The following CTH variants were observed in gnomAD, a reference collection of about 807,000 sequenced individuals.
CTH encodes cystathionine gamma-lyase, also known as cystathionase (cystathionine gamma-lyase).
A neutral mutation model predicts 50.6 loss-of-function variants in CTH; 41 were observed. That is an observed-to-expected ratio of 0.81 (90% CI 0.63 to 1.05). The LOEUF is 1.05. Ranked by LOEUF, CTH falls within the 50% of genes least tolerant of loss-of-function variation. The probability of loss-of-function intolerance (pLI) is 0.00; values close to 1 mark genes in which losing one functional copy is unlikely to be tolerated. For synonymous variants in CTH, 156 were observed against 168.9 expected (o/e 0.92, Z 0.59); for missense variants, 470 against 492.6 (o/e 0.95, Z 0.43).
chr1:70,424,114 T>C (rs1684290071), intron 4 of CTH, among the ~76,000 whole-genome samples, 171 bp from the exon 5 acceptor site: 2 of 152,238 alleles, frequency 1.3e-5, no homozygotes. Context: ...ATTACATACC[T>C]ACGGCTTCAG....
At chr1:70,434,041 T>C (rs867130777) in intron 9 of CTH, 92 bp downstream of exon 9, 7 of 1,578,676 alleles carry the variant, frequency 4.4e-6, no homozygotes, top group Middle Eastern at 1.8e-4. Context: ...ATAATGTTTT[T>C]GTATCTGCAG....
chr1:70,422,646 CTG>C (rs989382581), intron 4 of CTH, among the ~76,000 whole-genome samples: 3 of 149,372 alleles, frequency 2.0e-5, no homozygotes, highest in Admixed American at 1.3e-4. Context: ...GAGTCTCACC[CTG>C]TCACCCAGGC....
intron 10 of CTH, among the ~76,000 whole-genome samples, chr1:70,435,636 T>A (rs1366373284): frequency 1.3e-5 from 2 of 151,862 alleles, no homozygotes; most frequent in African/African-American, 4.8e-5. Flanking sequence ...AATCTTTTGT[T>A]TTCTGTTCTC....
In CTH at chr1:70,427,371, T is replaced by A. The variant is rs552062993; in HGVS notation, c.589-2423T>A. ...ACCTGTATGATGAGAGCCATAAAGG[T>A]ACTGATTTTATTGAGTTAGGTATTT... On this transcript the variant is annotated intron_variant, in intron 5 of 11. Coordinates refer to ENST00000370938, the MANE Select transcript of CTH (RefSeq NM_001902.6). Among the ~76,000 whole-genome samples, 3 of 152,272 alleles carry A rather than the reference T, an allele frequency of 2.0e-5. No homozygotes were observed. In the South Asian group the frequency reaches 6.2e-4, roughly 32 times the overall value.
intron 1 of CTH, among the ~76,000 whole-genome samples, chr1:70,414,024 G>T (rs916035254): frequency 1.3e-5 from 2 of 151,648 alleles, no homozygotes; most frequent in Non-Finnish European, 2.9e-5. Context: ...GAGCCACCGC[G>T]CCCGGCCCTT....
At chr1:70,424,152 A>G in intron 4 of CTH, 133 bp from the exon 5 acceptor site, 1 of 1,530,948 alleles carries the variant, frequency 6.5e-7, no homozygotes, top group Non-Finnish European at 8.9e-7. Flanking sequence ...TGGGATTCAG[A>G]TTTGAACCTC....
At chr1:70,422,449 A>G (rs77475422) in intron 4 of CTH, among the ~76,000 whole-genome samples, 3,694 of 152,296 alleles carry the variant, frequency 0.024, 62 homozygotes, top group Non-Finnish European at 0.037. Context: ...ACCCAAGATT[A>G]TGTTGCAATG....
Position 70,418,040 on chromosome 1 carries a change from A to C in CTH, c.346+8A>C. 6.2e-7 allele frequency: 1 copy of C among 1,613,700 alleles called. No individual in the cohort carries two copies. The highest frequency in any genetic ancestry group is 8.5e-7 in the Non-Finnish European group (1 of 1,179,700). ...TGGATGATGTGTATGGAGGTAGGTGACCCCTCTCATTTATATTCTGTAAAC... is the reference window on the plus strand; with the variant it reads ...TGGATGATGTGTATGGAGGTAGGTGCCCCCTCTCATTTATATTCTGTAAAC... On this transcript the variant is annotated splice_region_variant and intron_variant, in intron 3 of 11. Transcript: ENST00000370938.
intron 3 of CTH, 105 bp from the exon 4 acceptor site, chr1:70,421,461 G>T: frequency 8.4e-7 from 1 of 1,194,490 alleles, no homozygotes; most frequent in African/African-American, 1.5e-5. Context: ...CATTTTCCTT[G>T]GTGACTGAGA....
chr1:70,416,220 G>A (rs1684088621), intron 2 of CTH, among the ~76,000 whole-genome samples, 183 bp downstream of exon 2: 1 of 152,070 alleles, frequency 6.6e-6, no homozygotes, highest in South Asian at 2.1e-4. Flanking sequence ...TAATCATCAG[G>A]TAAAAATACG....
rs1450625281 is a variant in CTH, at chr1:70,411,486, A to C, written c.71A>C (p.His24Pro). 1.9e-6 allele frequency: 3 copies of C among 1,614,040 alleles called. No individual in the cohort carries two copies. Among genetic ancestry groups the C allele is most frequent in the Non-Finnish European group, 8.5e-7 (1 of 1,179,976 alleles). The change falls in exon 1 of 12, where the codon CAT (histidine) becomes CCT (proline). Residue 24 changes from histidine to proline, a missense_variant. His to Pro is a moderately conservative substitution (Grantham distance 77, BLOSUM62 -2). Transcript: ENST00000370938. ...HFQHFATQAIHVGQDPEQWTS... is the reference protein window; with the variant it reads ...HFQHFATQAIPVGQDPEQWTS... The stretch of plus-strand genomic sequence containing the variant: ...CAACATTTCGCCACGCAGGCGATCC[A>C]TGTGGGCCAGGATCCAGAGCAATGG...
chr1:70,438,888 G>A, intron 11 of CTH, 62 bp downstream of exon 11: 2 of 1,603,544 alleles, frequency 1.2e-6, no homozygotes, highest in Admixed American at 3.4e-5. Context: ...TCTTGGGCAT[G>A]GGGGGTCACT....
chr1:70,426,970 T>C (rs1684359660), intron 5 of CTH, among the ~76,000 whole-genome samples: 2 of 152,192 alleles, frequency 1.3e-5, no homozygotes, highest in African/African-American at 4.8e-5. Context: ...GTCTAGTTTT[T>C]CTACCTTTTT....
intron 3 of CTH, 37 bp from the exon 4 acceptor site, chr1:70,421,529 T>C (rs1448535167): frequency 6.3e-7 from 1 of 1,592,518 alleles, no homozygotes; most frequent in Non-Finnish European, 8.6e-7. Context: ...CTTAATGCAA[T>C]GTTCTTTTCA....
At chr1:70,435,058 A>T (rs1684568447) in intron 9 of CTH, 67 bp from the exon 10 acceptor site, 1 of 1,478,002 alleles carries the variant, frequency 6.8e-7, no homozygotes. Context: ...GCCTAAAAAC[A>T]TTTATTTTTA....
chr1:70,439,072 C>T (rs781141588), intron 11 of CTH, 29 bp from the exon 12 acceptor site: 3 of 1,602,610 alleles, frequency 1.9e-6, no homozygotes, highest in Non-Finnish European at 8.5e-7. Context: ...TGTTTAATAA[C>T]ATATTTTTCT....
intron 9 of CTH, 25 bp downstream of exon 9, chr1:70,433,974 A>G (rs760317356): frequency 1.2e-6 from 2 of 1,612,540 alleles, no homozygotes; most frequent in African/African-American, 1.3e-5. Flanking sequence ...TAGGTTTAAA[A>G]TTGTAGGAGG....
Position 70,411,318 on chromosome 1 carries a change from C to T in CTH, c.-98C>T. 3.1e-6 allele frequency: 4 copies of T among 1,280,266 alleles called. No individual in the cohort carries two copies. Among genetic ancestry groups the T allele is most frequent in the Non-Finnish European group, 4.6e-6 (4 of 876,132 alleles). 79.3% of individuals were successfully genotyped at this position (1,280,266 alleles called of 1,614,324 possible). A position where few individuals can be genotyped will look rare whatever the true frequency, so the allele number is the denominator to read the frequency against. ...CTCTACCTGCGTGCTTTAGCTCCTT[C>T]TCGCCTGATCCTTCTGTCTCTCCCA... On this transcript the variant is annotated 5_prime_UTR_variant, in exon 1 of 12. Transcript: ENST00000370938.
rs1262495795 is a variant in CTH, at chr1:70,432,128, G to A, written c.770G>A (p.Arg257Gln). Residue 257 changes from arginine to glutamine, a missense_variant, in exon 8 of 12, where the codon CGA becomes CAA. Coordinates refer to ENST00000370938, the MANE Select transcript of CTH (RefSeq NM_001902.6). The part of the protein sequence containing the change: ...PSPIDCYLCN[R>Q]GLKTLHVRME... ...CCTATTGATTGTTACCTCTGCAATCGAGGTCTGAAGACTCTACATGTCCGA... is the reference window on the plus strand; with the variant it reads ...CCTATTGATTGTTACCTCTGCAATCAAGGTCTGAAGACTCTACATGTCCGA... 15 of 1,613,910 alleles carry A rather than the reference G, an allele frequency of 9.3e-6. No individual in the cohort carries two copies. Among genetic ancestry groups the A allele is most frequent in the Middle Eastern group, 3.3e-4 (2 of 6,084 alleles).
Sources: gnomAD v4.1 joint callset for allele counts (sites outside exome capture counted in the v4.1 genomes callset) on GRCh38, gnomAD v4.1.1 for gene constraint, MANE v1.5 for transcripts, NCBI Gene and HGNC (gene_info 2026-07-23, HGNC 2026-07-21) for gene names.